The following RFX3 variants were observed in gnomAD, a reference collection of about 807,000 sequenced individuals.
RFX3 encodes transcription factor RFX3.
A neutral mutation model predicts 98.6 loss-of-function variants in RFX3; 14 were observed. That is an observed-to-expected ratio of 0.14 (90% CI 0.09 to 0.22). RFX3 has a LOEUF of 0.22. Ranked by LOEUF, RFX3 falls within the 10% of genes least tolerant of loss-of-function variation. The pLI is 1.00. For synonymous variants in RFX3, 383 were observed against 328.4 expected (o/e 1.17, Z -1.80); for missense variants, 639 against 926.9 (o/e 0.69, Z 4.03).
At position 3,323,595 on chromosome 9, in the gene RFX3, T is replaced by C. The variant is rs1563926154; in HGVS notation, c.474+6664A>G. On this transcript the variant is annotated intron_variant, in intron 4 of 16. Coordinates refer to ENST00000617270, the MANE Select transcript of RFX3 (RefSeq NM_001282116.2). ...CTTTAATATTTATAAGTAGAATTTA[T>C]GAGCATCATTAAACTTTGCTTATCT... 5.3e-5 allele frequency among the ~76,000 whole-genome samples: 8 copies of C among 152,312 alleles called. 1 individual carries two copies. In the East Asian group the frequency reaches 1.3e-3, roughly 26 times the overall value.
chr9:3,281,214 A>T (rs930194525), intron 7 of RFX3, among the ~76,000 whole-genome samples: 1 of 151,660 alleles, frequency 6.6e-6, no homozygotes, highest in Non-Finnish European at 1.5e-5. Context: ...CCTTGGTTGA[A>T]TTTCAACTGA....
At chr9:3,287,416 T>C (rs908777252) in intron 7 of RFX3, among the ~76,000 whole-genome samples, 3 of 151,980 alleles carry the variant, frequency 2.0e-5, no homozygotes, top group African/African-American at 4.8e-5. Context: ...AATTGTGACA[T>C]AAGTCACATG....
chr9:3,455,362 GCCTTCCCTTC>G (rs766574944), intron 1 of RFX3, among the ~76,000 whole-genome samples: 1 of 151,988 alleles, frequency 6.6e-6, no homozygotes. Context: ...ATTCAGGCAA[GCCTTCCCTTC>G]CCTTCCCTTC....
intron 1 of RFX3, among the ~76,000 whole-genome samples, chr9:3,504,875 T>TATA (rs553624388): frequency 0.036 from 1,774 of 49,330 alleles, 138 homozygotes; most frequent in African/African-American, 0.16. Context: ...ATATATTATA[T>TATA]ATATTATATA....
intron 1 of RFX3, among the ~76,000 whole-genome samples, chr9:3,423,857 A>C (rs1035501952): frequency 6.8e-6 from 1 of 146,668 alleles, no homozygotes; most frequent in South Asian, 2.2e-4. Flanking sequence ...AATATATTTA[A>C]AACAAGAAGG....
At chr9:3,458,982 T>C (rs1000956151) in intron 1 of RFX3, among the ~76,000 whole-genome samples, 3 of 152,120 alleles carry the variant, frequency 2.0e-5, no homozygotes, top group African/African-American at 7.2e-5. Flanking sequence ...ATTAAATAAA[T>C]GCTAAGAATT....
chr9:3,337,904 G>A (rs932059901), intron 3 of RFX3, among the ~76,000 whole-genome samples: 1 of 152,168 alleles, frequency 6.6e-6, no homozygotes, highest in Non-Finnish European at 1.5e-5. Context: ...CTGCAAAGAA[G>A]TAGCTACATT....
intron 4 of RFX3, among the ~76,000 whole-genome samples, chr9:3,315,928 C>T (rs1474715851): frequency 1.3e-5 from 2 of 152,122 alleles, no homozygotes; most frequent in African/African-American, 4.8e-5. Flanking sequence ...AGAGTCACAG[C>T]CGAATTCTAC....
intron 14 of RFX3, among the ~76,000 whole-genome samples, chr9:3,256,331 ATTTG>A (rs1822141874): frequency 1.7e-4 from 15 of 86,696 alleles, no homozygotes; most frequent in South Asian, 9.6e-4. Flanking sequence ...GGCACCTAGG[ATTTG>A]TTTCTTTTTT....
chr9:3,276,478 G>C (rs1201367820), intron 8 of RFX3, among the ~76,000 whole-genome samples: 1 of 152,042 alleles, frequency 6.6e-6, no homozygotes, highest in Non-Finnish European at 1.5e-5. Flanking sequence ...TCCAGAATAT[G>C]CTTAGTTTTT....
At position 3,263,037 on chromosome 9, in the gene RFX3, C is replaced by T. The variant is rs1417294739; in HGVS notation, c.1503G>A (p.Ser501=). The change falls in exon 13 of 17, where the codon TCG becomes TCA. Residue 501 remains serine, a synonymous_variant. Transcript: ENST00000617270. The part of the protein sequence containing the change: ...AFAQTLRRYT[S]LNHLAQAARA... The stretch of plus-strand genomic sequence containing the variant: ...GAGCTGCCTGGGCCAGGTGATTAAG[C>T]GACGTGTATCTTCGCAGAGTCTGGG... 2.5e-6 allele frequency: 4 copies of T among 1,613,804 alleles called. No individual in the cohort carries two copies. Among genetic ancestry groups the T allele is most frequent in the East Asian group, 2.2e-5 (1 of 44,864 alleles).
chr9:3,481,108 T>C (rs1849720229), intron 1 of RFX3, among the ~76,000 whole-genome samples: 1 of 152,188 alleles, frequency 6.6e-6, no homozygotes, highest in African/African-American at 2.4e-5. Flanking sequence ...GTTGGTTACT[T>C]TGGATAATCT....
At chr9:3,397,048 G>A (rs1840967225) in intron 1 of RFX3, among the ~76,000 whole-genome samples, 1 of 152,128 alleles carries the variant, frequency 6.6e-6, no homozygotes, top group South Asian at 2.1e-4. Flanking sequence ...ATTTAATACA[G>A]TTGAAAGATG....
intron 15 of RFX3, among the ~76,000 whole-genome samples, chr9:3,229,181 T>C (rs996514763): frequency 1.3e-5 from 2 of 152,166 alleles, no homozygotes; most frequent in Admixed American, 6.6e-5. Context: ...AATGAAGAAA[T>C]AGGAGCCTGG....
chr9:3,247,755 G>T, intron 15 of RFX3: 2 of 1,564,254 alleles, frequency 1.3e-6, no homozygotes, highest in Non-Finnish European at 1.7e-6. Context: ...TATTCCAGTG[G>T]TTCTCAAGTT....
chr9:3,268,123 C>T (rs1823892631), intron 11 of RFX3, among the ~76,000 whole-genome samples: 1 of 151,550 alleles, frequency 6.6e-6, no homozygotes. Flanking sequence ...TAAGTGTTAC[C>T]CATTGAGTGC....
At chr9:3,341,007 T>A (rs960781632) in intron 3 of RFX3, among the ~76,000 whole-genome samples, 2 of 152,118 alleles carry the variant, frequency 1.3e-5, no homozygotes, top group Admixed American at 6.5e-5. Context: ...ACCAACCCAA[T>A]TGTCCAACAA....
chr9:3,434,074 TG>T (rs1844901710), intron 1 of RFX3, among the ~76,000 whole-genome samples: 1 of 152,112 alleles, frequency 6.6e-6, no homozygotes, highest in African/African-American at 2.4e-5. Flanking sequence ...TACATCTGGG[TG>T]GGGCCTGAGA....
chr9:3,262,629 G>A (rs532514067), intron 13 of RFX3, among the ~76,000 whole-genome samples: 31 of 152,326 alleles, frequency 2.0e-4, no homozygotes, highest in Non-Finnish European at 4.1e-4. Flanking sequence ...GCTGGTATAT[G>A]AGACAGCTTA....
Sources: allele counts gnomAD v4.1 joint callset (sites outside exome capture counted in the v4.1 genomes callset), GRCh38; gene constraint gnomAD v4.1.1; transcripts MANE v1.5; gene names NCBI Gene and HGNC (gene_info 2026-07-23, HGNC 2026-07-21).